LHPP: variants seen among roughly 807,000 people sequenced by gnomAD.
The protein encoded by LHPP is hLHPP.
LHPP carries 24 observed loss-of-function variants against 30.3 expected under a neutral mutation model. The observed-to-expected ratio is 0.79, with a 90% CI of 0.57 to 1.11. LHPP has a LOEUF of 1.11. Among genes scored for constraint, LHPP ranks in the 50% most tolerant of loss-of-function variants. The probability of loss-of-function intolerance (pLI) is 0.00; values close to 1 mark genes in which losing one functional copy is unlikely to be tolerated. For missense variants in LHPP, 356 were observed against 367.2 expected (o/e 0.97, Z 0.25); for synonymous variants, 150 against 157.1 (o/e 0.95, Z 0.34).
chr10:124,481,830 T>C (rs1045855515), intron 1 of LHPP, among the ~76,000 whole-genome samples: 14 of 152,220 alleles, frequency 9.2e-5, no homozygotes, highest in African/African-American at 3.4e-4. Context: ...TCCCACCACC[T>C]GGCCTGCCCT....
At chr10:124,556,393 T>G (rs1948300778) in intron 6 of LHPP, among the ~76,000 whole-genome samples, 1 of 152,244 alleles carries the variant, frequency 6.6e-6, no homozygotes, top group Admixed American at 6.5e-5. Flanking sequence ...TGCTCCCGCG[T>G]GTGGACGCAT....
At chr10:124,497,055 T>C in intron 4 of LHPP, 31 bp downstream of exon 4, 1 of 1,583,838 alleles carries the variant, frequency 6.3e-7, no homozygotes, top group Non-Finnish European at 8.7e-7. Flanking sequence ...CCAAACTCTC[T>C]TCAGACCTCA....
intron 5 of LHPP, 60 bp downstream of exon 5, chr10:124,498,188 G>C: frequency 6.4e-7 from 1 of 1,551,872 alleles, no homozygotes; most frequent in Non-Finnish European, 8.9e-7. Flanking sequence ...AGGCCCTGGA[G>C]CTTGGAATGG....
intron 6 of LHPP, among the ~76,000 whole-genome samples, chr10:124,528,683 A>G (rs1171748061): frequency 6.6e-6 from 1 of 152,084 alleles, no homozygotes; most frequent in Admixed American, 6.5e-5. Context: ...TAAAATCTCT[A>G]TGGTCCCCAC....
rs549422576 is a variant in LHPP at position 124,502,450 on chromosome 10, C to T, written c.624+4322C>T. Among the ~76,000 whole-genome samples the T allele has an allele frequency of 5.2e-3, 783 of 151,668 alleles. 24 individuals are homozygous for T. Among genetic ancestry groups the T allele is most frequent in the African/African-American group, 0.018 (729 of 41,086 alleles). ...CGCTGTCTCAGCTCACTGCAAGCTCCGCCTCCTGGGTTCACGCCATTCTCC... is the reference window on the plus strand; with the variant it reads ...CGCTGTCTCAGCTCACTGCAAGCTCTGCCTCCTGGGTTCACGCCATTCTCC... On this transcript the variant is annotated intron_variant, in intron 5 of 6. Coordinates refer to ENST00000368842, the MANE Select transcript of LHPP (RefSeq NM_022126.4).
chr10:124,524,670 T>C (rs1954688941), intron 6 of LHPP, among the ~76,000 whole-genome samples: 2 of 152,032 alleles, frequency 1.3e-5, no homozygotes, highest in Non-Finnish European at 2.9e-5. Context: ...CTCATTTCTA[T>C]TAAAAATCAA....
rs759699695 is a variant in LHPP at position 124,498,112 on chromosome 10, G to A, written c.608G>A (p.Gly203Glu). ...TTCAAGTCTGCCCTGCAAGCGATAG[G>A]AGTGGAAGCCCACCAGGTAGGTTGG... ...EFFKSALQAI[G>E]VEAHQAVMIG... is the part of the protein sequence containing the mutation. Residue 203 changes from glycine (G) to glutamate (E), a missense_variant, in exon 5 of 7, where the codon GGA (glycine) becomes GAA (glutamate). Gly to Glu is a moderately conservative substitution (Grantham distance 98). Transcript: ENST00000368842. 29 of 1,614,076 alleles carry A rather than the reference G, an allele frequency of 1.8e-5. No homozygotes were observed. The highest frequency in any genetic ancestry group is 2.3e-5 in the Non-Finnish European group (27 of 1,180,018).
chr10:124,611,497 G>C (rs551765477), intron 6 of LHPP, among the ~76,000 whole-genome samples: 1 of 152,094 alleles, frequency 6.6e-6, no homozygotes, highest in South Asian at 2.1e-4. Flanking sequence ...GGTGGGCAAG[G>C]AAGTGGGGGC....
Position 124,496,887 on chromosome 10 carries a change from A to G in LHPP, c.468-74A>G. ...AGCCAGCGGGACAGGCCCGGTGCTC[A>G]GCTCCCGATACTTAGCATCCTGCGG... On this transcript the variant is annotated intron_variant, in intron 3 of 6. Coordinates refer to ENST00000368842, the MANE Select transcript of LHPP (RefSeq NM_022126.4). The surrounding 1 kb of genome is among the most constrained non-coding windows in gnomAD (Gnocchi z 4.3). 1 of 1,386,580 alleles carries G rather than the reference A, an allele frequency of 7.2e-7. No individual in the cohort carries two copies. The highest frequency in any genetic ancestry group is 1.0e-6 in the Non-Finnish European group (1 of 989,992). 85.9% of individuals were successfully genotyped at this position (1,386,580 alleles called of 1,614,324 possible).
At chr10:124,516,901 G>A (rs898923955) in intron 5 of LHPP, among the ~76,000 whole-genome samples, 1 of 152,120 alleles carries the variant, frequency 6.6e-6, no homozygotes, top group Non-Finnish European at 1.5e-5. Flanking sequence ...CAGCATCCCC[G>A]CACGTCCTTG....
intron 6 of LHPP, among the ~76,000 whole-genome samples, chr10:124,556,248 T>C (rs1034967233): frequency 5.3e-5 from 8 of 152,194 alleles, no homozygotes; most frequent in Non-Finnish European, 1.2e-4. Flanking sequence ...CACAAATGTG[T>C]CCTCTGTGTT....
rs142738649 is a variant in LHPP at position 124,524,653 on chromosome 10, G to A, written c.716+7382G>A. On this transcript the variant is annotated intron_variant, in intron 6 of 6. Coordinates refer to ENST00000368842, the MANE Select transcript of LHPP (RefSeq NM_022126.4). ...GTTTGAGACCAGCCTGGGCAACATA[G>A]CGAGACCTCATTTCTATTAAAAATC... is the stretch of plus-strand genomic sequence containing the variant. 4.0e-3 allele frequency among the ~76,000 whole-genome samples: 602 copies of A among 152,228 alleles called. 6 individuals carry two copies. Among genetic ancestry groups the A allele is most frequent in the African/African-American group, 0.013 (555 of 41,516 alleles).
intron 6 of LHPP, among the ~76,000 whole-genome samples, chr10:124,525,929 T>A (rs1223524752): frequency 2.0e-5 from 3 of 152,150 alleles, no homozygotes; most frequent in Non-Finnish European, 4.4e-5. Flanking sequence ...TGGGGGGCTC[T>A]GAGCTGAGGA....
chr10:124,495,130 GAAC>G (rs1261966842), intron 3 of LHPP, among the ~76,000 whole-genome samples: 7 of 152,180 alleles, frequency 4.6e-5, no homozygotes, highest in Admixed American at 4.6e-4. Context: ...TTTAAGACAT[GAAC>G]TTAGAGATTT....
At chr10:124,532,864 T>C (rs1954932520) in intron 6 of LHPP, among the ~76,000 whole-genome samples, 2 of 152,158 alleles carry the variant, frequency 1.3e-5, no homozygotes, top group South Asian at 2.1e-4. Flanking sequence ...GGTGGCAAAG[T>C]GTCCCGAGGA....
In LHPP at chr10:124,587,771, A is replaced by G. The variant is rs561311356; in HGVS notation, c.717-25493A>G. ...AAAAAAAAAAAAAAAAAAAACCAAA[A>G]AAACCCACCCTGAGTTTAAAAGAAA... is the stretch of plus-strand genomic sequence containing the variant. On this transcript the variant is annotated intron_variant, in intron 6 of 6. Coordinates refer to ENST00000368842, the MANE Select transcript of LHPP (RefSeq NM_022126.4). Among the ~76,000 whole-genome samples, 91 of 150,568 alleles carry G rather than the reference A, an allele frequency of 6.0e-4. 4 individuals are homozygous for G. The East Asian group carries it at 0.017, about 28-fold the overall frequency.
intron 1 of LHPP, among the ~76,000 whole-genome samples, chr10:124,477,041 A>C (rs748621612): frequency 6.6e-6 from 1 of 152,196 alleles, no homozygotes; most frequent in Non-Finnish European, 1.5e-5. Context: ...CCCGTCTACT[A>C]AAAATACAAA....
chr10:124,604,780 C>A (rs960904184), intron 6 of LHPP, among the ~76,000 whole-genome samples: 1 of 152,260 alleles, frequency 6.6e-6, no homozygotes, highest in Non-Finnish European at 1.5e-5. Flanking sequence ...CTGCACCTGG[C>A]TCCCAGCCAC....
intron 6 of LHPP, among the ~76,000 whole-genome samples, chr10:124,578,291 G>A (rs370961470): frequency 4.4e-4 from 67 of 152,298 alleles, no homozygotes; most frequent in Middle Eastern, 3.4e-3. Context: ...CTCAGCACAC[G>A]CCCCGTGACC....
Sources: allele counts gnomAD v4.1 joint callset (sites outside exome capture counted in the v4.1 genomes callset), GRCh38; gene constraint gnomAD v4.1.1; non-coding constraint Gnocchi (gnomAD v3.1); transcripts MANE v1.5; gene names NCBI Gene and HGNC (gene_info 2026-07-23, HGNC 2026-07-21).